The following RHOT1 variants were observed in gnomAD, a reference collection of about 807,000 sequenced individuals.
RHOT1 encodes mitochondrial Rho GTPase 1.
In RHOT1, 27 loss-of-function variants were observed where a neutral mutation model predicts 95.3. That is an observed-to-expected ratio of 0.28 (90% confidence interval 0.21 to 0.39). The LOEUF (loss-of-function observed/expected upper bound fraction) is 0.39, where lower values mean the gene tolerates loss of function less well. Ranked by LOEUF, RHOT1 falls within the 10% of genes least tolerant of loss-of-function variation. RHOT1 has a pLI of 1.00. For synonymous variants in RHOT1, 227 were observed against 263.5 expected, an observed-to-expected ratio of 0.86 and a Z score of 1.34; for missense variants, 578 against 786.7, an observed-to-expected ratio of 0.73 and a Z score of 3.17.
intron 1 of RHOT1, among the ~76,000 whole-genome samples, chr17:32,163,992 T>C (rs1489846963): frequency 6.6e-6 from 1 of 151,482 alleles, no homozygotes; most frequent in Non-Finnish European, 1.5e-5. Flanking sequence ...CTGTCTCTAA[T>C]AAAAATACAA....
At chr17:32,145,120 C>T (rs921647391) in intron 1 of RHOT1, among the ~76,000 whole-genome samples, 6 of 151,978 alleles carry the variant, frequency 3.9e-5, no homozygotes, top group South Asian at 2.1e-4. Context: ...ACCAACATGA[C>T]GAAACCCAGT....
rs369638556 is a variant in RHOT1 at position 32,224,608 on chromosome 17, G to A, written c.1863-8G>A. 209 of 1,591,226 alleles carry A rather than the reference G, an allele frequency of 1.3e-4. No individual in the cohort carries two copies. The highest frequency in any genetic ancestry group is 7.3e-4 in the Admixed American group (43 of 58,578). ...GTTTTAAATAATAATTATATTTTCTGACTGCAGGCACGTGACACAAGCTGA... is the reference window on the plus strand; with the variant it reads ...GTTTTAAATAATAATTATATTTTCTAACTGCAGGCACGTGACACAAGCTGA... On this transcript the variant is annotated splice_polypyrimidine_tract_variant and splice_region_variant and intron_variant, in intron 19 of 19. Coordinates refer to ENST00000545287, the MANE Select transcript of RHOT1 (RefSeq NM_001033566.3).
intron 1 of RHOT1, among the ~76,000 whole-genome samples, chr17:32,146,038 A>G (rs1480102252): frequency 6.6e-6 from 1 of 152,204 alleles, no homozygotes; most frequent in Non-Finnish European, 1.5e-5. Flanking sequence ...TATATCATCC[A>G]GTGATTTCTA....
At chr17:32,207,259 T>C (rs1312234890) in intron 17 of RHOT1, 1 of 388,900 alleles carries the variant, frequency 2.6e-6, no homozygotes, top group Non-Finnish European at 4.6e-6. Context: ...GCATTCCTGA[T>C]TGAGAACTTT....
At chr17:32,159,119 G>A (rs907008592) in intron 1 of RHOT1, among the ~76,000 whole-genome samples, 1 of 152,202 alleles carries the variant, frequency 6.6e-6, no homozygotes, top group African/African-American at 2.4e-5. Flanking sequence ...ATGAGCACCC[G>A]GCTGAAGGCG....
intron 1 of RHOT1, among the ~76,000 whole-genome samples, chr17:32,152,985 A>G (rs775490044): frequency 1.3e-5 from 2 of 151,980 alleles, no homozygotes; most frequent in African/African-American, 2.4e-5. Flanking sequence ...AATTTTTTGT[A>G]GAGATAGAGT....
chr17:32,144,091 A>G (rs561313581), intron 1 of RHOT1, among the ~76,000 whole-genome samples: 1 of 152,312 alleles, frequency 6.6e-6, no homozygotes, highest in East Asian at 1.9e-4. Flanking sequence ...AAGGTTCAGG[A>G]AGGTGTTATT....
At chr17:32,165,767 C>G (rs1162700403) in intron 1 of RHOT1, among the ~76,000 whole-genome samples, 2 of 152,068 alleles carry the variant, frequency 1.3e-5, no homozygotes, top group Non-Finnish European at 2.9e-5. Context: ...ATAGAGGAAT[C>G]TGTTAGTCTA....
At chr17:32,206,222 T>TTTTTA (rs2037718133) in intron 16 of RHOT1, among the ~76,000 whole-genome samples, 2 of 124,660 alleles carry the variant, frequency 1.6e-5, no homozygotes, top group African/African-American at 3.3e-5. Context: ...TTTTTTTTTT[T>TTTTTA]GAGACAAGGT....
chr17:32,146,753 C>T (rs1201250858), intron 1 of RHOT1, among the ~76,000 whole-genome samples: 10 of 144,168 alleles, frequency 6.9e-5, no homozygotes, highest in South Asian at 2.2e-4. Flanking sequence ...CCACCGCGCC[C>T]GGCCTATTAT....
chr17:32,146,238 AATC>A (rs2031306399), intron 1 of RHOT1, among the ~76,000 whole-genome samples: 1 of 152,140 alleles, frequency 6.6e-6, no homozygotes, highest in Admixed American at 6.5e-5. Context: ...GCTAGAAAAG[AATC>A]ATCATGAAGG....
chr17:32,196,005 C>T (rs2036856927), intron 11 of RHOT1, among the ~76,000 whole-genome samples: 1 of 151,868 alleles, frequency 6.6e-6, no homozygotes, highest in Non-Finnish European at 1.5e-5. Flanking sequence ...TTTTTTTAAT[C>T]CTCTTTGCCT....
intron 1 of RHOT1, among the ~76,000 whole-genome samples, chr17:32,160,872 C>T (rs1286000459): frequency 6.6e-6 from 1 of 152,202 alleles, no homozygotes. Context: ...CACAGCCTGC[C>T]AGGCTGAGTG....
chr17:32,181,483 T>G (rs1490105120), intron 6 of RHOT1, among the ~76,000 whole-genome samples: 1 of 152,222 alleles, frequency 6.6e-6, no homozygotes, highest in Admixed American at 6.5e-5. Context: ...CCTTTTCATC[T>G]TTACTGTCAC....
chr17:32,195,831 A>G (rs530891097), intron 11 of RHOT1, among the ~76,000 whole-genome samples: 9 of 151,792 alleles, frequency 5.9e-5, no homozygotes, highest in African/African-American at 2.2e-4. Flanking sequence ...TATATACTAA[A>G]TGAATGAATT....
intron 1 of RHOT1, among the ~76,000 whole-genome samples, chr17:32,145,003 T>A (rs2031083486): frequency 6.6e-6 from 1 of 151,194 alleles, no homozygotes; most frequent in African/African-American, 2.4e-5. Context: ...AAAGAAAAAA[T>A]TAATTTTTAA....
At chr17:32,214,822 T>G (rs1288964830) in intron 19 of RHOT1, among the ~76,000 whole-genome samples, 1 of 152,050 alleles carries the variant, frequency 6.6e-6, no homozygotes. Context: ...TAAGTCTTTG[T>G]TTTTAGATAT....
intron 16 of RHOT1, among the ~76,000 whole-genome samples, chr17:32,204,659 C>T (rs1239751241): frequency 6.6e-6 from 1 of 150,602 alleles, no homozygotes; most frequent in African/African-American, 2.5e-5. Flanking sequence ...AGTTGGTACA[C>T]TTAATTGTAT....
At chr17:32,203,674 C>T (rs1050006532) in intron 15 of RHOT1, among the ~76,000 whole-genome samples, 4 of 152,166 alleles carry the variant, frequency 2.6e-5, no homozygotes, top group African/African-American at 9.7e-5. Flanking sequence ...TTTTTAGCTA[C>T]TGCTTGTACT....
Sources: allele counts gnomAD v4.1 joint callset (sites outside exome capture counted in the v4.1 genomes callset), GRCh38; gene constraint gnomAD v4.1.1; transcripts MANE v1.5; gene names NCBI Gene and HGNC (gene_info 2026-07-23, HGNC 2026-07-21).